Variants in DIAPH2 observed in about 807,000 individuals in gnomAD.
The protein encoded by DIAPH2 is diaphanous related formin 2.
In DIAPH2, 35 loss-of-function variants were observed where a neutral mutation model predicts 92.7. The ratio of observed to expected loss-of-function variants is 0.38; its 90% confidence interval spans 0.29 to 0.50. DIAPH2 has a LOEUF of 0.50. DIAPH2 is among the 20% of genes least tolerant of loss of function. DIAPH2 has a pLI of 0.94. For missense variants in DIAPH2, 701 were observed against 819.5 expected (o/e 0.86, Z 1.77); for synonymous variants, 301 against 280.4 (o/e 1.07, Z -0.73).
intron 4 of DIAPH2, among the ~76,000 whole-genome samples, chrX:96,809,280 T>G: frequency 9.3e-6 from 1 of 107,566 alleles, no homozygotes; most frequent in South Asian, 4.1e-4. Flanking sequence ...TACAAATAAA[T>G]CAATATGTTT....
chrX:97,165,202 T>C (rs987589215), intron 22 of DIAPH2, among the ~76,000 whole-genome samples: 3 of 111,150 alleles, frequency 2.7e-5, no homozygotes, highest in African/African-American at 9.8e-5. Flanking sequence ...TGGGTAATAA[T>C]ACTATATGGT....
intron 1 of DIAPH2, among the ~76,000 whole-genome samples, chrX:96,695,849 G>A (rs1217501394): frequency 1.8e-5 from 2 of 111,013 alleles, no homozygotes; most frequent in Non-Finnish European, 3.8e-5. Flanking sequence ...ATGTTAAATC[G>A]ATTACTGAAC....
intron 22 of DIAPH2, among the ~76,000 whole-genome samples, chrX:97,208,379 A>C (rs766358312): frequency 1.8e-5 from 2 of 112,255 alleles, no homozygotes; most frequent in Non-Finnish European, 3.8e-5. Flanking sequence ...ACCTGAAGGC[A>C]GATTAACTCT....
chrX:97,437,730 AG>A (rs755072752), intron 26 of DIAPH2, among the ~76,000 whole-genome samples: 5 of 106,595 alleles, frequency 4.7e-5, no homozygotes, highest in South Asian at 4.3e-4. Context: ...AAGAGCCAGC[AG>A]GGGGTTTAAA....
chrX:97,238,965 C>G (rs1041143023), intron 22 of DIAPH2, among the ~76,000 whole-genome samples: 1 of 111,665 alleles, frequency 9.0e-6, no homozygotes, highest in African/African-American at 3.2e-5. Flanking sequence ...TGGGCCTATT[C>G]ACATATAGAC....
chrX:97,501,526 C>T (rs2070798093), intron 26 of DIAPH2, among the ~76,000 whole-genome samples: 3 of 111,757 alleles, frequency 2.7e-5, no homozygotes, highest in African/African-American at 9.7e-5. Context: ...TACATAGTGA[C>T]AGGTATCAAA....
At chrX:96,967,468 G>T (rs966033123) in intron 17 of DIAPH2, among the ~76,000 whole-genome samples, 7 of 109,819 alleles carry the variant, frequency 6.4e-5, no homozygotes, top group Non-Finnish European at 1.3e-4. Context: ...TGCCCAGGCT[G>T]GAGTGCAATG....
intron 4 of DIAPH2, among the ~76,000 whole-genome samples, chrX:96,856,966 G>A (rs905639242): frequency 3.6e-5 from 4 of 109,968 alleles, no homozygotes; most frequent in African/African-American, 1.0e-4. Context: ...TTGAACCCGA[G>A]AGTCAGAGGT....
intron 22 of DIAPH2, among the ~76,000 whole-genome samples, chrX:97,167,346 C>G (rs932985990): frequency 9.0e-6 from 1 of 111,497 alleles, no homozygotes; most frequent in Non-Finnish European, 1.9e-5. Context: ...CAAAACAGAT[C>G]ATGTTAAAGC....
At chrX:96,722,166 G>C (rs2063992457) in intron 1 of DIAPH2, among the ~76,000 whole-genome samples, 2 of 110,927 alleles carry the variant, frequency 1.8e-5, no homozygotes, top group Non-Finnish European at 3.8e-5. Flanking sequence ...GACCAGTCTG[G>C]CCAACATGGT....
intron 17 of DIAPH2, among the ~76,000 whole-genome samples, chrX:97,028,293 C>T (rs764673762): frequency 5.3e-4 from 59 of 111,408 alleles, no homozygotes; most frequent in Non-Finnish European, 9.0e-4. Flanking sequence ...TGTTACTCTA[C>T]TGAAACTACT....
intron 23 of DIAPH2, among the ~76,000 whole-genome samples, chrX:97,343,030 C>T (rs913353484): frequency 1.8e-5 from 2 of 111,693 alleles, no homozygotes; most frequent in Non-Finnish European, 3.8e-5. Context: ...GCTTACATTG[C>T]AGGGATGGGT....
intron 14 of DIAPH2, among the ~76,000 whole-genome samples, chrX:96,947,709 C>CTT (rs1274705561): frequency 8.9e-6 from 1 of 112,117 alleles, no homozygotes; most frequent in African/African-American, 3.2e-5. Context: ...AGTGAACATA[C>CTT]TTTTGCATTG....
intron 26 of DIAPH2, among the ~76,000 whole-genome samples, chrX:97,485,356 A>G (rs998462535): frequency 1.8e-5 from 2 of 111,704 alleles, no homozygotes; most frequent in Admixed American, 1.9e-4. Context: ...GCCCCCATCT[A>G]TAAAATAAGG....
chrX:97,438,347 T>TG lies in DIAPH2; in HGVS notation c.3241+8602_3241+8603insG, dbSNP rs200873674. On this transcript the variant is annotated intron_variant, in intron 26 of 26. Transcript: ENST00000324765. ...CAAGAGGCAGCTTCTTGTTTTTTTT[T>TG]TTTGTTTGTTTGTTTTTTTTTTTTT... Among the ~76,000 whole-genome samples the TG allele has an allele frequency of 7.0e-3, 572 of 81,547 alleles. 4 individuals carry two copies. Among genetic ancestry groups the TG allele is most frequent in the Middle Eastern group, 0.035 (5 of 142 alleles). The allele number at this position is 81,547 out of a possible 115,157, so 70.8% of individuals were successfully genotyped here.
At chrX:97,025,874 C>A (rs2066331320) in intron 17 of DIAPH2, among the ~76,000 whole-genome samples, 1 of 111,468 alleles carries the variant, frequency 9.0e-6, no homozygotes, top group African/African-American at 3.3e-5. Context: ...ATTGTGAAAG[C>A]TGAAAATGGG....
chrX:96,747,641 G>C (rs1382876181), intron 3 of DIAPH2, among the ~76,000 whole-genome samples: 1 of 111,621 alleles, frequency 9.0e-6, no homozygotes, highest in Non-Finnish European at 1.9e-5. Flanking sequence ...TTAATTTAGA[G>C]AGAATAGTTG....
At chrX:97,263,284 C>G (rs1233147741) in intron 23 of DIAPH2, among the ~76,000 whole-genome samples, 3 of 111,406 alleles carry the variant, frequency 2.7e-5, no homozygotes, top group African/African-American at 9.8e-5. Context: ...TTTTTAGTAT[C>G]CTGTGCAATA....
At chrX:97,299,758 A>G (rs1602490131) in intron 23 of DIAPH2, among the ~76,000 whole-genome samples, 1 of 112,557 alleles carries the variant, frequency 8.9e-6, no homozygotes, top group Non-Finnish European at 1.9e-5. Flanking sequence ...ATTGGATGAA[A>G]TGTATATGAC....
Sources: gnomAD v4.1 joint callset for allele counts (sites outside exome capture counted in the v4.1 genomes callset) on GRCh38, gnomAD v4.1.1 for gene constraint, MANE v1.5 for transcripts, NCBI Gene and HGNC (gene_info 2026-07-23, HGNC 2026-07-21) for gene names.